Variants in CSMD1 observed in about 807,000 individuals in gnomAD.
CSMD1 encodes CUB and sushi domain-containing protein 1.
In CSMD1, 213 loss-of-function variants were observed where a neutral mutation model predicts 417.5. The ratio of observed to expected loss-of-function variants is 0.51; its 90% CI spans 0.46 to 0.57. The LOEUF is 0.57. CSMD1 is among the 20% of genes least tolerant of loss of function. The pLI is 0.00. For missense variants in CSMD1, 6,923 were observed against 4,529.7 expected, an observed-to-expected ratio of 1.53 and a Z score of -15.17; for synonymous variants, 2,862 against 1,736.8, an observed-to-expected ratio of 1.65 and a Z score of -16.11.
chr8:3,241,445 A>G (rs1020578413), intron 26 of CSMD1, among the ~76,000 whole-genome samples: 4 of 152,138 alleles, frequency 2.6e-5, no homozygotes, highest in African/African-American at 9.7e-5. Flanking sequence ...GTGTTGGTCT[A>G]CAGGGCTTCC....
chr8:4,435,681 T>C (rs545664623), intron 2 of CSMD1, among the ~76,000 whole-genome samples: 20 of 152,334 alleles, frequency 1.3e-4, no homozygotes, highest in African/African-American at 4.6e-4. Flanking sequence ...ACCCGAGTTG[T>C]TACTGACAAG....
chr8:4,275,015 C>T (rs538233849), intron 3 of CSMD1, among the ~76,000 whole-genome samples: 7 of 152,224 alleles, frequency 4.6e-5, no homozygotes, highest in Admixed American at 1.3e-4. Context: ...ATAGTTAATA[C>T]ATTTTTCCAT....
intron 2 of CSMD1, among the ~76,000 whole-genome samples, chr8:4,453,806 ATTCGT>A (rs1563192093): frequency 1.5e-5 from 2 of 129,316 alleles, no homozygotes; most frequent in African/African-American, 2.9e-5. Context: ...AGATTGCGCA[ATTCGT>A]TTCTTTTTTT....
intron 6 of CSMD1, among the ~76,000 whole-genome samples, chr8:3,732,941 A>C (rs1393737777): frequency 6.6e-6 from 1 of 152,110 alleles, no homozygotes; most frequent in East Asian, 1.9e-4. Context: ...TCTATCCATT[A>C]TCTATCTATC....
chr8:3,670,296 G>A (rs926406761), intron 7 of CSMD1, among the ~76,000 whole-genome samples: 5 of 151,908 alleles, frequency 3.3e-5, no homozygotes, highest in African/African-American at 1.2e-4. Flanking sequence ...CTTCTCCTGT[G>A]CCGGATGCTT....
intron 7 of CSMD1, among the ~76,000 whole-genome samples, chr8:3,677,076 T>C (rs531908872): frequency 1.1e-4 from 17 of 152,054 alleles, no homozygotes. Flanking sequence ...AACTAGACAT[T>C]GGGTAGATAG....
chr8:4,075,504 G>C (rs181674733), intron 3 of CSMD1, among the ~76,000 whole-genome samples: 197 of 152,224 alleles, frequency 1.3e-3, no homozygotes, highest in Non-Finnish European at 1.4e-3. Flanking sequence ...AATGAATTTC[G>C]TGGGAATTGA....
chr8:2,963,082 C>T (rs2128926806), intron 60 of CSMD1, 140 bp downstream of exon 60: 1 of 911,184 alleles, frequency 1.1e-6, no homozygotes. Context: ...AACACAGTCT[C>T]AAGTTTGAGT....
intron 1 of CSMD1, among the ~76,000 whole-genome samples, chr8:4,686,712 G>C (rs1293674820): frequency 6.6e-6 from 1 of 152,134 alleles, no homozygotes; most frequent in Non-Finnish European, 1.5e-5. Context: ...AAATTTGTAG[G>C]CTTTTAACTA....
intron 3 of CSMD1, among the ~76,000 whole-genome samples, chr8:4,056,719 T>C (rs1229334833): frequency 2.0e-5 from 3 of 151,896 alleles, no homozygotes; most frequent in East Asian, 2.0e-4. Context: ...TGGTGTGTGA[T>C]GTACCCCTTC....
chr8:4,565,788 ATATATATATG>A (rs1337937374), intron 2 of CSMD1, among the ~76,000 whole-genome samples: 19 of 74,598 alleles, frequency 2.5e-4, no homozygotes, highest in African/African-American at 5.7e-4. Flanking sequence ...ATATATATAT[ATATATATATG>A]TATACATATA....
chr8:4,920,352 A>C (rs558411929), intron 1 of CSMD1, among the ~76,000 whole-genome samples: 8 of 152,312 alleles, frequency 5.3e-5, no homozygotes, highest in African/African-American at 1.9e-4. Context: ...ATTAATAACA[A>C]AGTATTTAGA....
At chr8:3,130,541 C>T (rs547505736) in intron 41 of CSMD1, among the ~76,000 whole-genome samples, 8 of 152,260 alleles carry the variant, frequency 5.3e-5, no homozygotes, top group African/African-American at 1.7e-4. Flanking sequence ...TAGAAAACAA[C>T]CTGAATGCGT....
intron 41 of CSMD1, among the ~76,000 whole-genome samples, chr8:3,137,519 T>C (rs776237415): frequency 2.6e-5 from 4 of 152,216 alleles, no homozygotes; most frequent in African/African-American, 4.8e-5. Flanking sequence ...ATGCAGTGTA[T>C]TGTTTTCAGT....
chr8:3,153,371 T>C (rs1165465288), intron 39 of CSMD1, among the ~76,000 whole-genome samples: 5 of 152,206 alleles, frequency 3.3e-5, no homozygotes, highest in Non-Finnish European at 5.9e-5. Context: ...GGAGTAACCA[T>C]TCTTTTGTTC....
At chr8:3,228,520 G>C (rs1195100495) in intron 27 of CSMD1, among the ~76,000 whole-genome samples, 7 of 152,132 alleles carry the variant, frequency 4.6e-5, no homozygotes, top group Admixed American at 3.9e-4. Context: ...TGTCCTTGAA[G>C]CTGACATTCA....
At chr8:4,376,030 T>G (rs1802711388) in intron 3 of CSMD1, among the ~76,000 whole-genome samples, 1 of 152,146 alleles carries the variant, frequency 6.6e-6, no homozygotes, top group Non-Finnish European at 1.5e-5. Flanking sequence ...AAAATGCCCG[T>G]CTTTAAGTCT....
chr8:4,185,635 A>C (rs1202693958), intron 3 of CSMD1, among the ~76,000 whole-genome samples: 2 of 152,252 alleles, frequency 1.3e-5, no homozygotes, highest in Non-Finnish European at 2.9e-5. Context: ...TAAATAGCTA[A>C]TGTAAAAAGT....
At chr8:4,620,353 C>A (rs973927523) in intron 2 of CSMD1, among the ~76,000 whole-genome samples, 1 of 151,526 alleles carries the variant, frequency 6.6e-6, no homozygotes, top group African/African-American at 2.4e-5. Flanking sequence ...AAGCTACTAA[C>A]ATAGACATCA....
Sources: allele counts gnomAD v4.1 joint callset (sites outside exome capture counted in the v4.1 genomes callset), GRCh38; gene constraint gnomAD v4.1.1; transcripts MANE v1.5; gene names NCBI Gene and HGNC (gene_info 2026-07-23, HGNC 2026-07-21).